The following AQP5 variants were observed in gnomAD, a reference collection of about 807,000 sequenced individuals.
AQP5 encodes the protein aquaporin 5, also known as aquaporin-5.
Under a neutral mutation model 19.1 loss-of-function variants are expected in AQP5, and 15 were observed. That is an observed-to-expected ratio of 0.79 (90% CI 0.53 to 1.21). AQP5 has a LOEUF of 1.21. AQP5 is among the 50% of genes most tolerant of loss of function. The pLI, the probability that AQP5 is intolerant of heterozygous loss-of-function variation, is 0.00. For synonymous variants in AQP5, 182 were observed against 160.3 expected (o/e 1.14, Z -1.02); for missense variants, 355 against 357.1 (o/e 0.99, Z 0.05).
At chr12:49,963,978 T>G in intron 2 of AQP5, 114 bp from the exon 3 acceptor site, 2 of 1,109,654 alleles carry the variant, frequency 1.8e-6, no homozygotes, top group South Asian at 1.4e-5. Flanking sequence ...GTTGCCAGCC[T>G]GAGTTTGAGA....
chr12:49,963,686 AG>A, intron 2 of AQP5, 30 bp downstream of exon 2: 1 of 1,599,760 alleles, frequency 6.3e-7, no homozygotes. Context: ...GGCTGGGGTG[AG>A]GGTGGGGCAG....
At chr12:49,964,688 C>T (rs1947469934) in intron 3 of AQP5, 3 of 985,340 alleles carry the variant, frequency 3.0e-6, no homozygotes, top group Non-Finnish European at 3.6e-6. Context: ...TCTGAGGACC[C>T]ACGTGTCCCC....
rs1359109751 is a variant in AQP5, at chr12:49,962,034, G to T, written c.17G>T (p.Cys6Phe). 1 of 1,587,938 alleles carries T rather than the reference G, an allele frequency of 6.3e-7. No homozygotes were observed. Among genetic ancestry groups the T allele is most frequent in the South Asian group, 1.1e-5 (1 of 89,576 alleles). Residue 6 changes from cysteine to phenylalanine, a missense_variant, in exon 1 of 4, where the codon TGC becomes TTC. Cys to Phe is a radical substitution (Grantham distance 205). Transcript: ENST00000293599. ...GCGGCCACCATGAAGAAGGAGGTGTGCTCCGTGGCCTTCCTCAAGGCCGTG... is the reference window on the plus strand; with the variant it reads ...GCGGCCACCATGAAGAAGGAGGTGTTCTCCGTGGCCTTCCTCAAGGCCGTG... MKKEV[C>F]SVAFLKAVFA...
Position 49,965,071 on chromosome 12 carries a change from G to T in AQP5, c.692G>T (p.Ser231Ile). The T allele has an allele frequency of 2.5e-6, 4 of 1,614,054 alleles. No individual in the cohort carries two copies. Among genetic ancestry groups the T allele is most frequent in the Non-Finnish European group, 3.4e-6 (4 of 1,180,002 alleles). Residue 231 changes from serine to isoleucine, a missense_variant, in exon 4 of 4, where the codon AGC becomes ATC. Coordinates refer to ENST00000293599, the MANE Select transcript of AQP5 (RefSeq NM_001651.4). ...YFYLLFPNSL[S>I]LSERVAIIKG... ...TACCTGCTCTTCCCCAACTCCCTGAGCCTGAGTGAGCGTGTGGCCATCATC... is the reference window on the plus strand; with the variant it reads ...TACCTGCTCTTCCCCAACTCCCTGATCCTGAGTGAGCGTGTGGCCATCATC...
At chr12:49,964,516 G>GT in intron 3 of AQP5, 1 of 487,090 alleles carries the variant, frequency 2.1e-6, no homozygotes, top group Non-Finnish European at 2.7e-6. Flanking sequence ...CCTCTCTGAT[G>GT]TTTTATTTAT....
rs1172283289 is a variant in AQP5 at position 49,961,934 on chromosome 12, C to T, written c.-84C>T. ...GGCGCCCCGCAGCCAGGCCCCCGCC[C>T]CCGCCGCATCCACCTCCTCCGCCGC... On this transcript the variant is annotated 5_prime_UTR_variant, in exon 1 of 4. Transcript: ENST00000293599. The T allele has an allele frequency of 6.6e-6, 6 of 904,780 alleles. No individual in the cohort carries two copies. Among genetic ancestry groups the T allele is most frequent in the Non-Finnish European group, 7.1e-6 (5 of 700,764 alleles). The allele number at this position is 904,780 out of a possible 1,614,324, so 56.0% of individuals were successfully genotyped here. A position where few individuals can be genotyped will look rare whatever the true frequency, so the allele number is the denominator to read the frequency against.
intron 3 of AQP5, 62 bp downstream of exon 3, chr12:49,964,237 C>T: frequency 6.5e-7 from 1 of 1,530,486 alleles, no homozygotes. Context: ...GCAGTGGCAG[C>T]TCAGAGCTCA....
Position 49,963,661 on chromosome 12 carries a change from G to A in AQP5, c.528+5G>A, listed in dbSNP as rs1947454962. ...ACCCTGGGCCACCTTGTCGGAGTGA[G>A]CAGTACCGACATTGGGCTGGGGTGA... On this transcript the variant is annotated splice_donor_5th_base_variant and intron_variant, in intron 2 of 3. Coordinates refer to ENST00000293599, the MANE Select transcript of AQP5 (RefSeq NM_001651.4). 2 of 1,612,598 alleles carry A rather than the reference G, an allele frequency of 1.2e-6. No individual in the cohort carries two copies. The highest frequency in any genetic ancestry group is 1.7e-6 in the Non-Finnish European group (2 of 1,179,466).
Position 49,962,279 on chromosome 12 carries a change from T to C in AQP5, c.262T>C (p.Phe88Leu). ...CAACCAGATCTCGCTGCTCCGGGCT[T>C]TCTTCTACGTGGCGGCCCAGCTGGT... ...VGNQISLLRA[F>L]FYVAAQLVGA... Residue 88 changes from phenylalanine to leucine, a missense_variant, in exon 1 of 4, where the codon TTC (phenylalanine) becomes CTC (leucine). Transcript: ENST00000293599. The C allele has an allele frequency of 6.2e-7, 1 of 1,607,572 alleles. No individual in the cohort carries two copies.
chr12:49,962,541 G>A lies in AQP5; in HGVS notation c.363+161G>A, dbSNP rs925622026. 3 of 875,178 alleles carry A rather than the reference G, an allele frequency of 3.4e-6. No individual in the cohort carries two copies. In the East Asian group the frequency reaches 8.4e-5, roughly 24 times the overall value. 54.2% of individuals were successfully genotyped at this position (875,178 alleles called of 1,614,324 possible). ...CAAGGCCAGGAAGGCAACTCTCCAGGCTGATATGTGCTCCCTTCCTGCCCA... is the reference window on the plus strand; with the variant it reads ...CAAGGCCAGGAAGGCAACTCTCCAGACTGATATGTGCTCCCTTCCTGCCCA... On this transcript the variant is annotated intron_variant, in intron 1 of 3. Coordinates refer to ENST00000293599, the MANE Select transcript of AQP5 (RefSeq NM_001651.4).
chr12:49,963,653 C>T lies in AQP5; in HGVS notation c.525C>T (p.Val175=), dbSNP rs148929905. 957 of 1,613,130 alleles carry T rather than the reference C, an allele frequency of 5.9e-4. 6 individuals are homozygous for T. In the East Asian group the frequency reaches 9.8e-3, roughly 17 times the overall value. The change falls in exon 2 of 4, where the codon GTC becomes GTT. Residue 175 remains valine, a synonymous_variant. Transcript: ENST00000293599. The part of the protein sequence containing the change: ...IGLSVTLGHL[V]GIYFTGCSMN... ...TGTCTGTCACCCTGGGCCACCTTGT[C>T]GGAGTGAGCAGTACCGACATTGGGC...
intron 3 of AQP5, chr12:49,964,747 T>C (rs970894760): frequency 5.1e-6 from 5 of 985,260 alleles, no homozygotes; most frequent in Non-Finnish European, 6.0e-6. Flanking sequence ...AGGGAGCCTG[T>C]CCCTCTGGGA....
intron 1 of AQP5, chr12:49,962,591 T>C: frequency 1.7e-6 from 1 of 592,180 alleles, no homozygotes; most frequent in Non-Finnish European, 2.6e-6. Flanking sequence ...CCCCTCATGC[T>C]GGCCCACCCT....
intron 2 of AQP5, chr12:49,963,866 G>A: frequency 2.4e-6 from 2 of 819,476 alleles, no homozygotes; most frequent in East Asian, 2.7e-5. Context: ...AGTAGGAGGT[G>A]GGATGGGACA....
intron 1 of AQP5, among the ~76,000 whole-genome samples, chr12:49,963,225 T>C (rs1489555607): frequency 1.3e-5 from 2 of 152,070 alleles, no homozygotes; most frequent in African/African-American, 4.8e-5. Flanking sequence ...GGGCTGGGGG[T>C]TGGGCAGAGC....
chr12:49,965,194 G>A lies in AQP5; in HGVS notation c.*17G>A, dbSNP rs1337738406. The A allele has an allele frequency of 1.3e-6, 2 of 1,589,844 alleles. No homozygotes were observed. Among genetic ancestry groups the A allele is most frequent in the Non-Finnish European group, 1.7e-6 (2 of 1,168,622 alleles). On this transcript the variant is annotated 3_prime_UTR_variant, in exon 4 of 4. Coordinates refer to ENST00000293599, the MANE Select transcript of AQP5 (RefSeq NM_001651.4). ...ACCCGCTGACCAGTGTCAGGCAGGG[G>A]CCAGCCCCTCAGCCCCTGAGCCAAG...
chr12:49,964,603 A>G (rs1214732771), intron 3 of AQP5: 15 of 974,322 alleles, frequency 1.5e-5, no homozygotes, highest in Non-Finnish European at 1.7e-5. Context: ...CCCCCTTTGG[A>G]AGCTCATGGT....
chr12:49,963,500 C>T lies in AQP5; in HGVS notation c.372C>T (p.Asn124=). 1 of 1,613,798 alleles carries T rather than the reference C, an allele frequency of 6.2e-7. No homozygotes were observed. The highest frequency in any genetic ancestry group is 1.1e-5 in the South Asian group (1 of 91,082). Reference sequence around the variant, plus strand: ...CCGCTATCCCCTTGCAGCTCAACAACAACACAACGCAGGGCCAGGCCATGG... The same window carrying T: ...CCGCTATCCCCTTGCAGCTCAACAATAACACAACGCAGGGCCAGGCCATGG... ...RGNLAVNALN[N]NTTQGQAMVV... is the part of the protein sequence containing the mutation. The change falls in exon 2 of 4, where the codon AAC becomes AAT. Residue 124 remains asparagine (N), a synonymous_variant. Transcript: ENST00000293599.
intron 3 of AQP5, chr12:49,964,595 C>T (rs568479878): frequency 2.3e-5 from 22 of 966,114 alleles, no homozygotes; most frequent in East Asian, 2.3e-4. Context: ...TGTCTGCCCC[C>T]CCTTTGGAAG....
Sources: gnomAD v4.1 joint callset for allele counts (sites outside exome capture counted in the v4.1 genomes callset) on GRCh38, gnomAD v4.1.1 for gene constraint, MANE v1.5 for transcripts, NCBI Gene and HGNC (gene_info 2026-07-23, HGNC 2026-07-21) for gene names.